The following RBM20 variants were observed in gnomAD, a reference collection of about 807,000 sequenced individuals.
The protein encoded by RBM20 is RNA-binding protein 20.
In RBM20, 51 loss-of-function variants were observed where a neutral mutation model predicts 110.1. The ratio of observed to expected loss-of-function variants is 0.46; its 90% CI spans 0.37 to 0.59. The LOEUF (loss-of-function observed/expected upper bound fraction) is 0.59. Ranked by LOEUF, RBM20 falls within the 20% of genes least tolerant of loss-of-function variation. The probability of loss-of-function intolerance (pLI) is 0.00; values close to 1 mark genes in which losing one functional copy is unlikely to be tolerated. For missense variants in RBM20, 1,512 were observed against 1,574.9 expected (o/e 0.96, Z 0.68); for synonymous variants, 589 against 618.2 (o/e 0.95, Z 0.70).
chr10:110,831,002 C>A, intron 12 of RBM20, 59 bp from the exon 13 acceptor site: 1 of 1,487,092 alleles, frequency 6.7e-7, no homozygotes, highest in Non-Finnish European at 9.1e-7. Flanking sequence ...TGCCAGGACA[C>A]AGGGGCCTGC....
chr10:110,758,934 GA>G (rs1843957605), intron 1 of RBM20, among the ~76,000 whole-genome samples: 2 of 152,134 alleles, frequency 1.3e-5, no homozygotes, highest in Non-Finnish European at 2.9e-5. Flanking sequence ...AGCAAATCTG[GA>G]AAATTTAATG....
chr10:110,732,690 G>C (rs1171881129), intron 1 of RBM20, among the ~76,000 whole-genome samples: 1 of 152,180 alleles, frequency 6.6e-6, no homozygotes, highest in Non-Finnish European at 1.5e-5. Context: ...TTGGGTTCCA[G>C]AGCAAAAACT....
intron 7 of RBM20, among the ~76,000 whole-genome samples, chr10:110,801,393 C>G (rs1188820151): frequency 6.6e-6 from 1 of 151,206 alleles, no homozygotes; most frequent in African/African-American, 2.4e-5. Flanking sequence ...TGCCACTGCA[C>G]TCTAGCCTGG....
chr10:110,780,824 A>T lies in RBM20; in HGVS notation c.215A>T (p.Asn72Ile), dbSNP rs1372553161. ...AGTGCCGCCAAGCTCCTGGACAAGA[A>T]CCCATTCTCGGTCAGTAACCCGAAC... ...IQNAAKLLDK[N>I]PFSVSNPNPL... is the part of the protein sequence containing the mutation. The change falls in exon 2 of 14, where the codon AAC becomes ATC. Residue 72 changes from asparagine to isoleucine, a missense_variant. Coordinates refer to ENST00000369519, the MANE Select transcript of RBM20 (RefSeq NM_001134363.3). 2.0e-6 allele frequency: 3 copies of T among 1,531,978 alleles called. No individual in the cohort carries two copies. The highest frequency in any genetic ancestry group is 2.6e-6 in the Non-Finnish European group (3 of 1,135,514). The allele number at this position is 1,531,978 out of a possible 1,614,324, so 94.9% of individuals were successfully genotyped here.
intron 1 of RBM20, among the ~76,000 whole-genome samples, chr10:110,648,482 C>T (rs1490257278): frequency 6.6e-6 from 1 of 152,138 alleles, no homozygotes. Flanking sequence ...TAAGAATTTG[C>T]TAAAAAGGGA....
At position 110,805,281 on chromosome 10, in the gene RBM20, A is replaced by G. The variant is rs187333810; in HGVS notation, c.1801-5102A>G. On this transcript the variant is annotated intron_variant, in intron 7 of 13. Coordinates refer to ENST00000369519, the MANE Select transcript of RBM20 (RefSeq NM_001134363.3). ...GAGATTCCTAAACAAGGCCTTGAAG[A>G]AGGGGAGAATTAGCTAAAGAGAGAC... is the stretch of plus-strand genomic sequence containing the variant. Among the ~76,000 whole-genome samples, 78 of 152,278 alleles carry G rather than the reference A, an allele frequency of 5.1e-4. 1 individual carries two copies. The highest frequency in any genetic ancestry group is 6.2e-4 in the South Asian group (3 of 4,834).
chr10:110,723,814 G>C (rs1260572270), intron 1 of RBM20, among the ~76,000 whole-genome samples: 1 of 152,184 alleles, frequency 6.6e-6, no homozygotes, highest in African/African-American at 2.4e-5. Flanking sequence ...TTGTACAGAT[G>C]AGCACGGCCC....
Position 110,644,985 on chromosome 10 carries a change from G to C in RBM20, c.191+340G>C, listed in dbSNP as rs1167532943. On this transcript the variant is annotated intron_variant, in intron 1 of 13. Transcript: ENST00000369519. The surrounding 1 kb of genome is among the most constrained non-coding windows in gnomAD (Gnocchi z 4.3). ...TCTTTCTGGTCCCAAGAGGACGCTGGAATGGAGAGTCGTGCGTGAGTGTGT... is the reference window on the plus strand; with the variant it reads ...TCTTTCTGGTCCCAAGAGGACGCTGCAATGGAGAGTCGTGCGTGAGTGTGT... Among the ~76,000 whole-genome samples the C allele has an allele frequency of 6.6e-6, 1 of 152,182 alleles. No homozygotes were observed. The highest frequency in any genetic ancestry group is 2.4e-5 in the African/African-American group (1 of 41,436).
At chr10:110,776,062 C>T (rs1258925323) in intron 1 of RBM20, among the ~76,000 whole-genome samples, 1 of 152,152 alleles carries the variant, frequency 6.6e-6, no homozygotes, top group Non-Finnish European at 1.5e-5. Flanking sequence ...GAGAGTGTTC[C>T]CCCATGAGCC....
At chr10:110,801,780 T>A (rs556597403) in intron 7 of RBM20, among the ~76,000 whole-genome samples, 5 of 150,968 alleles carry the variant, frequency 3.3e-5, no homozygotes, top group African/African-American at 4.9e-5. Flanking sequence ...ATCCTGACCT[T>A]ATGATCTGCC....
At chr10:110,668,623 C>T (rs1274938100) in intron 1 of RBM20, among the ~76,000 whole-genome samples, 2 of 151,798 alleles carry the variant, frequency 1.3e-5, no homozygotes, top group Non-Finnish European at 2.9e-5. Context: ...AAAAACTGAA[C>T]AAGTGTCGTT....
intron 1 of RBM20, among the ~76,000 whole-genome samples, chr10:110,708,675 C>T (rs1233077171): frequency 6.6e-6 from 1 of 152,128 alleles, no homozygotes; most frequent in Non-Finnish European, 1.5e-5. Flanking sequence ...TTTTATAGCT[C>T]TGAGTTCAAG....
At chr10:110,730,123 C>CT (rs1284424836) in intron 1 of RBM20, among the ~76,000 whole-genome samples, 1 of 152,174 alleles carries the variant, frequency 6.6e-6, no homozygotes, top group Non-Finnish European at 1.5e-5. Context: ...TGGCCCTTCT[C>CT]TTTTTTAAGA....
At chr10:110,654,461 G>A (rs540898419) in intron 1 of RBM20, among the ~76,000 whole-genome samples, 3 of 152,196 alleles carry the variant, frequency 2.0e-5, no homozygotes, top group Non-Finnish European at 4.4e-5. Flanking sequence ...GGATACTGAT[G>A]TAATTTGTAC....
chr10:110,701,906 A>G (rs904926504), intron 1 of RBM20, among the ~76,000 whole-genome samples: 6 of 152,244 alleles, frequency 3.9e-5, no homozygotes, highest in Non-Finnish European at 8.8e-5. Context: ...ACGGGGGATT[A>G]TCAGAGAGGG....
In RBM20 at chr10:110,784,416, C is replaced by T; in HGVS notation, c.1413C>T (p.Asn471=). Residue 471 remains asparagine, a synonymous_variant, in exon 4 of 14, where the codon AAC becomes AAT. Coordinates refer to ENST00000369519, the MANE Select transcript of RBM20 (RefSeq NM_001134363.3). ...CASPNSTAVY[N]PAGNEDYASN... ...CTCCCAACAGCACAGCTGTTTATAA[C>T]CCTGCTGGGAATGAAGGTGAGCAAG... 6.4e-7 allele frequency: 1 copy of T among 1,551,264 alleles called. No homozygotes were observed. The highest frequency in any genetic ancestry group is 8.7e-7 in the Non-Finnish European group (1 of 1,146,736).
intron 1 of RBM20, among the ~76,000 whole-genome samples, chr10:110,668,600 G>A (rs1169695216): frequency 8.5e-6 from 1 of 117,654 alleles, no homozygotes; most frequent in Non-Finnish European, 2.1e-5. Flanking sequence ...GGTGGAGGGA[G>A]GGAGAGGAAA....
At chr10:110,740,711 C>T (rs1843716219) in intron 1 of RBM20, among the ~76,000 whole-genome samples, 1 of 152,100 alleles carries the variant, frequency 6.6e-6, no homozygotes, top group Non-Finnish European at 1.5e-5. Flanking sequence ...TTCTTCTTAC[C>T]TTTATTCATC....
intron 1 of RBM20, among the ~76,000 whole-genome samples, chr10:110,734,642 T>C (rs1160912664): frequency 2.8e-5 from 4 of 143,712 alleles, no homozygotes; most frequent in African/African-American, 1.1e-4. Flanking sequence ...TTTTTGAGAG[T>C]GTCCTTAGTA....
Sources: gnomAD v4.1 joint callset for allele counts (sites outside exome capture counted in the v4.1 genomes callset) on GRCh38, gnomAD v4.1.1 for gene constraint, Gnocchi (gnomAD v3.1) non-coding constraint, MANE v1.5 for transcripts, NCBI Gene and HGNC (gene_info 2026-07-23, HGNC 2026-07-21) for gene names.